PAG1: variants seen among roughly 807,000 people sequenced by gnomAD.
PAG1 encodes phosphoprotein membrane anchor with glycosphingolipid microdomains 1.
A neutral mutation model predicts 31.7 loss-of-function variants in PAG1; 23 were observed. The ratio of observed to expected loss-of-function variants is 0.73; its 90% CI spans 0.52 to 1.03. PAG1 has a LOEUF of 1.03. PAG1 is among the 50% of genes least tolerant of loss of function. The probability of loss-of-function intolerance (pLI) is 0.00; values close to 1 mark genes in which losing one functional copy is unlikely to be tolerated. For synonymous variants in PAG1, 214 were observed against 210.3 expected, an observed-to-expected ratio of 1.02 and a Z score of -0.15; for missense variants, 473 against 540.7, an observed-to-expected ratio of 0.87 and a Z score of 1.24.
intron 1 of PAG1, among the ~76,000 whole-genome samples, chr8:81,091,040 T>C (rs1809435869): frequency 6.6e-6 from 1 of 152,206 alleles, no homozygotes; most frequent in South Asian, 2.1e-4. Context: ...GTCATCCAGA[T>C]GATAAGGGTC....
At chr8:81,063,655 T>C (rs542793673) in intron 2 of PAG1, among the ~76,000 whole-genome samples, 13 of 152,308 alleles carry the variant, frequency 8.5e-5, no homozygotes, top group Admixed American at 8.5e-4. Context: ...ACTCCATTAA[T>C]GACCAGGTGT....
At chr8:81,028,841 C>G (rs1371039339) in intron 3 of PAG1, among the ~76,000 whole-genome samples, 1 of 152,172 alleles carries the variant, frequency 6.6e-6, no homozygotes, top group Admixed American at 6.5e-5. Context: ...TCACAAAATT[C>G]TCCTCTAATG....
chr8:81,013,012 TAA>T (rs1390044189), intron 3 of PAG1, among the ~76,000 whole-genome samples: 2 of 152,240 alleles, frequency 1.3e-5, no homozygotes, highest in Admixed American at 1.3e-4. Context: ...GGTTTGTGTA[TAA>T]GTTTCTGTGA....
chr8:81,000,745 A>T (rs1247171992), intron 3 of PAG1, among the ~76,000 whole-genome samples: 1 of 151,676 alleles, frequency 6.6e-6, no homozygotes, highest in Non-Finnish European at 1.5e-5. Flanking sequence ...CCTGGCCTTA[A>T]GGCAAATCCT....
intron 3 of PAG1, among the ~76,000 whole-genome samples, chr8:81,027,230 G>A (rs977557607): frequency 6.6e-6 from 1 of 152,006 alleles, no homozygotes; most frequent in Non-Finnish European, 1.5e-5. Flanking sequence ...TCGAACTCCT[G>A]GACTCAAGCA....
At chr8:80,995,568 T>C (rs1807656765) in intron 3 of PAG1, among the ~76,000 whole-genome samples, 1 of 152,270 alleles carries the variant, frequency 6.6e-6, no homozygotes, top group Non-Finnish European at 1.5e-5. Context: ...TACATTTTTA[T>C]ACACAGGTCC....
chr8:81,071,505 C>G (rs1809092939), intron 1 of PAG1, among the ~76,000 whole-genome samples: 1 of 152,210 alleles, frequency 6.6e-6, no homozygotes, highest in Non-Finnish European at 1.5e-5. Flanking sequence ...GAAAACCTAT[C>G]ATTTATAAAA....
At chr8:81,090,704 G>A (rs932229851) in intron 1 of PAG1, among the ~76,000 whole-genome samples, 9 of 152,188 alleles carry the variant, frequency 5.9e-5, no homozygotes, top group South Asian at 2.1e-4. Flanking sequence ...GTCAGCTGAC[G>A]AACTCTAGGG....
intron 3 of PAG1, among the ~76,000 whole-genome samples, chr8:81,014,102 T>C (rs1022909086): frequency 1.6e-4 from 25 of 152,200 alleles, no homozygotes; most frequent in African/African-American, 5.8e-4. Flanking sequence ...ACTTTGTACA[T>C]AACTTCTAGT....
chr8:81,086,039 T>A (rs546180383), intron 1 of PAG1, among the ~76,000 whole-genome samples: 9 of 125,362 alleles, frequency 7.2e-5, no homozygotes, highest in Admixed American at 3.0e-4. Context: ...TGGAGTGCAG[T>A]GGCGCGATCT....
In PAG1 at chr8:80,976,515, C is replaced by G; in HGVS notation, c.*29G>C. ...AAGAAACGTCTCCAGACACTGATCA[C>G]AGGCTACCCAGGGTTGTCTTCTGGG... is the stretch of plus-strand genomic sequence containing the variant. On this transcript the variant is annotated 3_prime_UTR_variant, in exon 9 of 9. Coordinates refer to ENST00000220597, the MANE Select transcript of PAG1 (RefSeq NM_018440.4). 1.3e-6 allele frequency: 2 copies of G among 1,576,124 alleles called. No individual in the cohort carries two copies.
chr8:81,006,566 C>A (rs1807880848), intron 3 of PAG1, among the ~76,000 whole-genome samples: 1 of 152,194 alleles, frequency 6.6e-6, no homozygotes, highest in Non-Finnish European at 1.5e-5. Context: ...ACTGACCCTC[C>A]TTAGAAAGCC....
chr8:81,027,245 G>A (rs527636927), intron 3 of PAG1, among the ~76,000 whole-genome samples: 1 of 152,144 alleles, frequency 6.6e-6, no homozygotes, highest in Admixed American at 6.5e-5. Flanking sequence ...CAAGCAATCT[G>A]CCCACCTCGG....
chr8:81,094,674 T>G (rs1181410171), intron 1 of PAG1, among the ~76,000 whole-genome samples: 1 of 152,106 alleles, frequency 6.6e-6, no homozygotes, highest in Non-Finnish European at 1.5e-5. Context: ...GAAAAAAAAA[T>G]TAAACTTCTT....
intron 3 of PAG1, among the ~76,000 whole-genome samples, chr8:80,997,753 G>A (rs1379829869): frequency 1.4e-5 from 2 of 147,428 alleles, no homozygotes; most frequent in Non-Finnish European, 3.0e-5. Flanking sequence ...TAGATTAATA[G>A]TTGTACATTA....
At chr8:81,002,644 G>A (rs1281558249) in intron 3 of PAG1, among the ~76,000 whole-genome samples, 3 of 152,212 alleles carry the variant, frequency 2.0e-5, no homozygotes, top group African/African-American at 7.2e-5. Context: ...TGGCTTAACA[G>A]TGCTAATATT....
At chr8:81,019,310 A>G (rs1808122760) in intron 3 of PAG1, among the ~76,000 whole-genome samples, 1 of 152,246 alleles carries the variant, frequency 6.6e-6, no homozygotes, top group South Asian at 2.1e-4. Context: ...CTAAGTAATG[A>G]GGAACCAAAT....
intron 8 of PAG1, among the ~76,000 whole-genome samples, chr8:80,979,942 C>T (rs973326950): frequency 6.6e-6 from 1 of 152,178 alleles, no homozygotes; most frequent in Non-Finnish European, 1.5e-5. Context: ...CTATGTCTGA[C>T]CCTAGCTCCT....
chr8:81,005,463 A>C (rs766398370), intron 3 of PAG1, among the ~76,000 whole-genome samples: 2 of 152,204 alleles, frequency 1.3e-5, no homozygotes, highest in Non-Finnish European at 2.9e-5. Flanking sequence ...GACATGGCTG[A>C]ATGTGGAACT....
Sources: gnomAD v4.1 joint callset for allele counts (sites outside exome capture counted in the v4.1 genomes callset) on GRCh38, gnomAD v4.1.1 for gene constraint, MANE v1.5 for transcripts, NCBI Gene and HGNC (gene_info 2026-07-23, HGNC 2026-07-21) for gene names.